Variants in CASTOR2 observed in about 807,000 individuals in gnomAD.
CASTOR2 encodes cytosolic arginine sensor for mTORC1 subunit 2.
A neutral mutation model predicts 31.2 loss-of-function variants in CASTOR2; 8 were observed. The ratio of observed to expected loss-of-function variants is 0.26; its 90% CI spans 0.15 to 0.46. The LOEUF (loss-of-function observed/expected upper bound fraction) is 0.46, where lower values mean the gene tolerates loss of function less well. Ranked by LOEUF, CASTOR2 falls within the 20% of genes least tolerant of loss-of-function variation. CASTOR2 has a pLI of 0.99. For missense variants in CASTOR2, 216 were observed against 382.1 expected (o/e 0.57, Z 3.62); for synonymous variants, 162 against 158.7 (o/e 1.02, Z -0.16).
chr7:75,025,059 G>A lies in CASTOR2; in HGVS notation c.*360G>A, dbSNP rs1326264336. 3.3e-5 allele frequency among the ~76,000 whole-genome samples: 5 copies of A among 152,242 alleles called. No homozygotes were observed. The highest frequency in any genetic ancestry group is 7.2e-5 in the African/African-American group (3 of 41,474). Reference sequence around the variant, plus strand: ...GCCGAGGGAAGCCGGTCCCTCCTGCGAGACACCGGTGTGCCAGCTGTCATG... The same window carrying A: ...GCCGAGGGAAGCCGGTCCCTCCTGCAAGACACCGGTGTGCCAGCTGTCATG... On this transcript the variant is annotated 3_prime_UTR_variant, in exon 9 of 9. Coordinates refer to ENST00000616305, the MANE Select transcript of CASTOR2 (RefSeq NM_001145064.3).
intron 2 of CASTOR2, among the ~76,000 whole-genome samples, chr7:75,010,769 G>A (rs1366791854): frequency 4.0e-5 from 6 of 151,892 alleles, no homozygotes; most frequent in East Asian, 1.9e-4. Context: ...TCCAGGGTGC[G>A]TTTCCTGGTC....
Position 75,024,872 on chromosome 7 carries a change from G to T in CASTOR2, c.*173G>T. ...CCTCCAGGGCAGGGGCCCACGCCAA[G>T]GCCTCTCCATGCCCTCCTGCCTTCC... is the stretch of plus-strand genomic sequence containing the variant. On this transcript the variant is annotated 3_prime_UTR_variant, in exon 9 of 9. Transcript: ENST00000616305. 1 of 1,494,036 alleles carries T rather than the reference G, an allele frequency of 6.7e-7. No individual in the cohort carries two copies. The highest frequency in any genetic ancestry group is 9.1e-7 in the Non-Finnish European group (1 of 1,103,796). 92.5% of individuals were successfully genotyped at this position (1,494,036 alleles called of 1,614,324 possible).
At chr7:74,977,184 CAAA>C (rs1160729242) in intron 1 of CASTOR2, among the ~76,000 whole-genome samples, 2 of 36,040 alleles carry the variant, frequency 5.5e-5, no homozygotes, top group Non-Finnish European at 1.2e-4. Flanking sequence ...AACTCCATCT[CAAA>C]AAAAAAAAAA....
chr7:75,001,038 ACACAGGG>A (rs1477960537), intron 1 of CASTOR2, among the ~76,000 whole-genome samples: 13 of 152,120 alleles, frequency 8.5e-5, no homozygotes, highest in African/African-American at 3.1e-4. Context: ...AGTCTGGCTG[ACACAGGG>A]CATGGTGACC....
chr7:75,005,563 T>A (rs1392618856), intron 1 of CASTOR2, among the ~76,000 whole-genome samples: 10 of 152,348 alleles, frequency 6.6e-5, no homozygotes, highest in African/African-American at 1.7e-4. Flanking sequence ...TTGTTTCCAA[T>A]TTAGGGCAAA....
At chr7:74,997,083 C>T (rs1465068037) in intron 1 of CASTOR2, among the ~76,000 whole-genome samples, 4 of 151,986 alleles carry the variant, frequency 2.6e-5, no homozygotes, top group South Asian at 4.1e-4. Context: ...CAAGGTCTTA[C>T]ACTGTCACCT....
intron 1 of CASTOR2, among the ~76,000 whole-genome samples, chr7:75,006,208 C>T (rs1721839446): frequency 6.6e-6 from 1 of 152,178 alleles, no homozygotes; most frequent in African/African-American, 2.4e-5. Flanking sequence ...TGCTTGAGCC[C>T]AGGCGTTCAA....
chr7:74,983,835 C>T (rs1487556648), intron 1 of CASTOR2, among the ~76,000 whole-genome samples: 2 of 151,160 alleles, frequency 1.3e-5, no homozygotes, highest in Non-Finnish European at 2.9e-5. Flanking sequence ...TCACCCAGGC[C>T]AGAGTTCAGT....
At chr7:75,021,678 G>A (rs1204611965) in intron 6 of CASTOR2, among the ~76,000 whole-genome samples, 196 bp from the exon 7 acceptor site, 8 of 152,038 alleles carry the variant, frequency 5.3e-5, no homozygotes, top group African/African-American at 1.4e-4. Context: ...CTCCCCATCC[G>A]CCTCCCCTCA....
rs1239381748 is a variant in CASTOR2, at chr7:75,027,010, TAA to T, written c.*2312_*2313del. The stretch of plus-strand genomic sequence containing the variant: ...ATATATACTTGAGCAATATATATGT[TAA>T]TATATACTGTGTGCGCAGTCCGTGG... On this transcript the variant is annotated 3_prime_UTR_variant, in exon 9 of 9. Coordinates refer to ENST00000616305, the MANE Select transcript of CASTOR2 (RefSeq NM_001145064.3). The T allele has an allele frequency of 1.3e-5, 2 of 152,280 alleles. No homozygotes were observed. Among genetic ancestry groups the T allele is most frequent in the Non-Finnish European group, 2.9e-5 (2 of 68,060 alleles). 9.4% of individuals were successfully genotyped at this position (152,280 alleles called of 1,614,324 possible).
chr7:75,020,173 G>A (rs1416119874), intron 6 of CASTOR2, 24 bp downstream of exon 6: 24 of 1,549,104 alleles, frequency 1.5e-5, no homozygotes, highest in African/African-American at 4.1e-5. Context: ...TGGGGTGGAC[G>A]TTCAACCCAG....
At chr7:75,017,500 C>T (rs1804892659) in intron 2 of CASTOR2, 98 bp from the exon 3 acceptor site, 5 of 1,394,876 alleles carry the variant, frequency 3.6e-6, no homozygotes, top group Non-Finnish European at 3.0e-6. Flanking sequence ...TGGAGCTGGC[C>T]CCAGAGCATC....
intron 1 of CASTOR2, among the ~76,000 whole-genome samples, chr7:74,989,452 C>T (rs1191418168): frequency 8.1e-5 from 12 of 147,746 alleles, no homozygotes; most frequent in Non-Finnish European, 1.5e-4. Flanking sequence ...GATGGAGTCT[C>T]GCTCTGTCAC....
At chr7:74,983,414 C>A (rs1355255582) in intron 1 of CASTOR2, among the ~76,000 whole-genome samples, 1 of 148,818 alleles carries the variant, frequency 6.7e-6, no homozygotes. Context: ...TCTCTGATGA[C>A]GTCCCCACCC....
chr7:75,010,227 G>A (rs1696718616), intron 2 of CASTOR2, among the ~76,000 whole-genome samples: 1 of 152,072 alleles, frequency 6.6e-6, no homozygotes, highest in African/African-American at 2.4e-5. Flanking sequence ...TATTTTTGCT[G>A]GCCTTGTGGG....
In CASTOR2 at chr7:75,029,704, C is replaced by T. The variant is rs1200481897; in HGVS notation, c.*5005C>T. Among the ~76,000 whole-genome samples the T allele has an allele frequency of 1.3e-5, 2 of 152,130 alleles. No homozygotes were observed. The highest frequency in any genetic ancestry group is 2.4e-5 in the African/African-American group (1 of 41,440). The stretch of plus-strand genomic sequence containing the variant: ...CTTTGCATGGGGATGGGAAGAAGCA[C>T]CCCCAACCTTCTAGTCCGCTCCGAG... On this transcript the variant is annotated 3_prime_UTR_variant, in exon 9 of 9. Coordinates refer to ENST00000616305, the MANE Select transcript of CASTOR2 (RefSeq NM_001145064.3).
At chr7:75,013,819 C>G (rs1354678686) in intron 2 of CASTOR2, among the ~76,000 whole-genome samples, 1 of 152,070 alleles carries the variant, frequency 6.6e-6, no homozygotes, top group Non-Finnish European at 1.5e-5. Context: ...CCTCCACCTC[C>G]CGGGTTCAAG....
At chr7:75,018,856 G>C (rs1804927460) in intron 4 of CASTOR2, 116 bp from the exon 5 acceptor site, 1 of 1,496,368 alleles carries the variant, frequency 6.7e-7, no homozygotes, top group Admixed American at 2.0e-5. Flanking sequence ...AGCGGTGAAT[G>C]AGTCTCTTGG....
intron 1 of CASTOR2, among the ~76,000 whole-genome samples, chr7:74,974,465 A>G (rs1408650654): frequency 1.3e-5 from 2 of 150,744 alleles, no homozygotes; most frequent in African/African-American, 2.5e-5. Context: ...GTGCAGGGGC[A>G]GGGGGGAGTC....
Sources: allele counts gnomAD v4.1 joint callset (sites outside exome capture counted in the v4.1 genomes callset), GRCh38; gene constraint gnomAD v4.1.1; transcripts MANE v1.5; gene names NCBI Gene and HGNC (gene_info 2026-07-23, HGNC 2026-07-21).